Variants in CCDC7 observed in about 807,000 individuals in gnomAD.
CCDC7 encodes the protein coiled-coil domain containing 7.
A neutral mutation model predicts 196.9 loss-of-function variants in CCDC7; 183 were observed. The observed-to-expected ratio is 0.93, with a 90% CI of 0.82 to 1.05. The LOEUF (loss-of-function observed/expected upper bound fraction) is 1.05, where lower values mean the gene tolerates loss of function less well. Among genes scored for constraint, CCDC7 ranks in the 50% least tolerant of loss-of-function variants. The pLI is 0.00. For missense variants in CCDC7, 1,540 were observed against 1,482.2 expected (o/e 1.04, Z -0.64); for synonymous variants, 525 against 484.6 (o/e 1.08, Z -1.10).
intron 25 of CCDC7, among the ~76,000 whole-genome samples, chr10:32,720,063 AATT>A (rs2082172704): frequency 1.3e-5 from 2 of 152,144 alleles, no homozygotes; most frequent in South Asian, 2.1e-4. Context: ...AACGATTATA[AATT>A]ATTATACTAT....
chr10:32,480,972 GCTGT>G (rs201306557), intron 8 of CCDC7, among the ~76,000 whole-genome samples: 2,640 of 152,170 alleles, frequency 0.017, 33 homozygotes, highest in Non-Finnish European at 0.025. Flanking sequence ...TTATTGTATT[GCTGT>G]CTATCTCTCT....
intron 18 of CCDC7, among the ~76,000 whole-genome samples, chr10:32,600,537 C>T (rs1030263542): frequency 5.9e-5 from 9 of 152,036 alleles, no homozygotes; most frequent in Non-Finnish European, 5.9e-5. Flanking sequence ...TTTTCCAATT[C>T]AGATGCCTTT....
chr10:32,791,470 C>A (rs2082691456), intron 29 of CCDC7, among the ~76,000 whole-genome samples: 1 of 151,756 alleles, frequency 6.6e-6, no homozygotes, highest in Non-Finnish European at 1.5e-5. Context: ...AGACAGTTCA[C>A]TGAGATCAAG....
rs538778661 is a variant in CCDC7, at chr10:32,507,553, C to A, written c.873-10392C>A. Among the ~76,000 whole-genome samples the A allele has an allele frequency of 6.3e-4, 96 of 152,124 alleles. 1 individual carries two copies. The highest frequency in any genetic ancestry group is 1.0e-4 in the Non-Finnish European group (7 of 67,974). On this transcript the variant is annotated intron_variant, in intron 9 of 41. Coordinates refer to ENST00000639629, the Ensembl canonical transcript of CCDC7. ...GCAGCCTCTGCCTCCTGGGTTCAAGCAATTCTCCTGCCTTAGCCTCCTGAG... is the reference window on the plus strand; with the variant it reads ...GCAGCCTCTGCCTCCTGGGTTCAAGAAATTCTCCTGCCTTAGCCTCCTGAG...
intron 23 of CCDC7, among the ~76,000 whole-genome samples, chr10:32,689,867 T>G (rs960214686): frequency 3.9e-5 from 6 of 152,040 alleles, no homozygotes; most frequent in African/African-American, 7.2e-5. Flanking sequence ...CCTGAGTAGC[T>G]GAGATTATAG....
intron 5 of CCDC7, among the ~76,000 whole-genome samples, chr10:32,467,999 A>T (rs936682769): frequency 6.6e-6 from 1 of 152,096 alleles, no homozygotes; most frequent in African/African-American, 2.4e-5. Context: ...CCTGTAGTAT[A>T]GTTTGAAGTC....
intron 28 of CCDC7, among the ~76,000 whole-genome samples, chr10:32,778,529 G>C (rs1228604402): frequency 6.6e-6 from 1 of 152,118 alleles, no homozygotes; most frequent in Non-Finnish European, 1.5e-5. Flanking sequence ...ACTCTGTTCA[G>C]TTGGTCTATG....
At chr10:32,620,790 A>G (rs536915033) in intron 18 of CCDC7, among the ~76,000 whole-genome samples, 8 of 152,298 alleles carry the variant, frequency 5.3e-5, no homozygotes, top group South Asian at 4.1e-4. Flanking sequence ...TTTTATCACC[A>G]TATGATATAG....
chr10:32,492,065 T>C (rs975045394), intron 9 of CCDC7, 68 bp downstream of exon 10: 9 of 1,436,926 alleles, frequency 6.3e-6, no homozygotes, highest in Non-Finnish European at 7.4e-6. Context: ...AAATTGTATT[T>C]TTCCATATGT....
intron 5 of CCDC7, among the ~76,000 whole-genome samples, chr10:32,464,279 A>G (rs1267914304): frequency 2.0e-5 from 3 of 152,152 alleles, no homozygotes; most frequent in African/African-American, 7.2e-5. Flanking sequence ...TTATTACTTT[A>G]AATACTGCTC....
intron 7 of CCDC7, 126 bp downstream of exon 8, chr10:32,472,668 C>T (rs919647684): frequency 3.7e-6 from 3 of 812,144 alleles, no homozygotes; most frequent in Non-Finnish European, 3.5e-6. Flanking sequence ...GAATATCGCT[C>T]ACTGCAGCCT....
rs1451426967 is a variant in CCDC7 at position 32,788,158 on chromosome 10, C to T, written c.3013+9074C>T. ...CCAAGCTGGACCCAGAGCTTCACACCCCAGACCGATCCCAGAGCCAGGTCA... is the reference window on the plus strand; with the variant it reads ...CCAAGCTGGACCCAGAGCTTCACACTCCAGACCGATCCCAGAGCCAGGTCA... On this transcript the variant is annotated intron_variant, in intron 29 of 41. Coordinates refer to ENST00000639629, the Ensembl canonical transcript of CCDC7. Among the ~76,000 whole-genome samples, 6 of 152,206 alleles carry T rather than the reference C, an allele frequency of 3.9e-5. No homozygotes were observed. In the East Asian group the frequency reaches 1.2e-3, roughly 29 times the overall value.
intron 20 of CCDC7, among the ~76,000 whole-genome samples, chr10:32,650,174 T>G (rs1323778487): frequency 1.3e-5 from 2 of 152,212 alleles, no homozygotes; most frequent in Non-Finnish European, 2.9e-5. Flanking sequence ...TTGAGCATAG[T>G]CCATTGGCTT....
chr10:32,760,295 T>G lies in CCDC7; in HGVS notation c.2906-18682T>G, dbSNP rs562312326. ...ATACTGCTATAAAGACACATGCACA[T>G]GTATGTTTATTGTGGCACTATTCAC... is the stretch of plus-strand genomic sequence containing the variant. On this transcript the variant is annotated intron_variant, in intron 28 of 41. Coordinates refer to ENST00000639629, the Ensembl canonical transcript of CCDC7. 1.4e-3 allele frequency among the ~76,000 whole-genome samples: 217 copies of G among 152,230 alleles called. 1 individual carries two copies. Among genetic ancestry groups the G allele is most frequent in the African/African-American group, 5.0e-3 (206 of 41,556 alleles).
intron 3 of CCDC7, among the ~76,000 whole-genome samples, chr10:32,456,889 A>G (rs1043496997): frequency 6.6e-6 from 1 of 152,090 alleles, no homozygotes; most frequent in African/African-American, 2.4e-5. Flanking sequence ...TGTAATAATT[A>G]TACATATTTA....
At chr10:32,472,585 A>C in intron 7 of CCDC7, 43 bp downstream of exon 8, 1 of 1,442,634 alleles carries the variant, frequency 6.9e-7, no homozygotes, top group South Asian at 1.5e-5. Flanking sequence ...AATTTTATTA[A>C]AAATTTTGTT....
chr10:32,711,687 G>T, exon 25 of CCDC7: 3 of 1,593,718 alleles, frequency 1.9e-6, no homozygotes, highest in Non-Finnish European at 2.6e-6. Context: ...AAATCCAAGT[G>T]CAATTAGAGA....
At chr10:32,805,131 A>C in intron 30 of CCDC7, 33 bp downstream of exon 31, 91 of 1,474,310 alleles carry the variant, frequency 6.2e-5, no homozygotes, top group Non-Finnish European at 7.9e-5. Flanking sequence ...AATATTTCTC[A>C]TTTATTTTTC....
chr10:32,652,889 G>A (rs1351026590), intron 20 of CCDC7, among the ~76,000 whole-genome samples: 1 of 152,104 alleles, frequency 6.6e-6, no homozygotes, highest in East Asian at 1.9e-4. Flanking sequence ...TATTAGCAGA[G>A]ATTTTTATAA....
Sources: allele counts gnomAD v4.1 joint callset (sites outside exome capture counted in the v4.1 genomes callset), GRCh38; gene constraint gnomAD v4.1.1; transcripts MANE v1.5; gene names NCBI Gene and HGNC (gene_info 2026-07-23, HGNC 2026-07-21).